GRIN2A: variants seen among roughly 807,000 people sequenced by gnomAD.
The protein encoded by GRIN2A is glutamate receptor ionotropic, NMDA 2A.
Under a neutral mutation model 113.4 loss-of-function variants are expected in GRIN2A, and 22 were observed. The ratio of observed to expected loss-of-function variants is 0.19; its 90% CI spans 0.14 to 0.28. The LOEUF (loss-of-function observed/expected upper bound fraction) is 0.28. Among genes scored for constraint, GRIN2A ranks in the 10% least tolerant of loss-of-function variants. The probability of loss-of-function intolerance (pLI) is 1.00; values close to 1 mark genes in which losing one functional copy is unlikely to be tolerated. For missense variants in GRIN2A, 1,502 were observed against 1,887.0 expected (o/e 0.80, Z 3.78); for synonymous variants, 827 against 738.4 (o/e 1.12, Z -1.94).
At chr16:10,108,847 A>G (rs760000217) in intron 2 of GRIN2A, among the ~76,000 whole-genome samples, 4 of 152,158 alleles carry the variant, frequency 2.6e-5, no homozygotes, top group South Asian at 2.1e-4. Flanking sequence ...AAATAATTAC[A>G]CATAGACCTG....
chr16:9,870,230 C>A (rs1179146734), intron 4 of GRIN2A, among the ~76,000 whole-genome samples: 2 of 152,204 alleles, frequency 1.3e-5, no homozygotes, highest in Non-Finnish European at 2.9e-5. Context: ...GTTTGAGGTT[C>A]TGCACGATTA....
At chr16:10,111,385 G>A (rs930233403) in intron 2 of GRIN2A, 5 of 479,078 alleles carry the variant, frequency 1.0e-5, no homozygotes, top group African/African-American at 9.9e-5. Flanking sequence ...CGGCAGCATG[G>A]CGAACCATCT....
At chr16:9,818,471 A>G (rs1436032977) in intron 10 of GRIN2A, among the ~76,000 whole-genome samples, 1 of 152,170 alleles carries the variant, frequency 6.6e-6, no homozygotes, top group Non-Finnish European at 1.5e-5. Context: ...ATTTCACTAC[A>G]AAAAAGATAA....
At chr16:9,857,191 G>A (rs547589612) in intron 4 of GRIN2A, among the ~76,000 whole-genome samples, 1 of 152,242 alleles carries the variant, frequency 6.6e-6, no homozygotes, top group African/African-American at 2.4e-5. Context: ...AGGAGCCTAA[G>A]GCAATATTAC....
At chr16:10,129,034 AC>A (rs1344397107) in intron 2 of GRIN2A, among the ~76,000 whole-genome samples, 3 of 151,920 alleles carry the variant, frequency 2.0e-5, no homozygotes, top group African/African-American at 7.2e-5. Flanking sequence ...TTTATTAAGC[AC>A]CTACTATGTG....
intron 2 of GRIN2A, among the ~76,000 whole-genome samples, chr16:9,991,525 A>AT (rs764290112): frequency 6.6e-6 from 1 of 152,182 alleles, no homozygotes; most frequent in Admixed American, 6.5e-5. Context: ...GTACCCATTA[A>AT]ATAACTTCTC....
At chr16:10,175,721 G>A (rs1279556141) in intron 2 of GRIN2A, among the ~76,000 whole-genome samples, 1 of 152,170 alleles carries the variant, frequency 6.6e-6, no homozygotes, top group Non-Finnish European at 1.5e-5. Flanking sequence ...CGAAACCCAA[G>A]TGATAACTGG....
chr16:10,123,397 T>C (rs2048869883), intron 2 of GRIN2A, among the ~76,000 whole-genome samples: 1 of 152,090 alleles, frequency 6.6e-6, no homozygotes, highest in South Asian at 2.1e-4. Context: ...TTGTTGAAAA[T>C]ACTAAATTCA....
In GRIN2A at chr16:9,820,981, G is replaced by T. The variant is rs568647190; in HGVS notation, c.2168+1283C>A. The stretch of plus-strand genomic sequence containing the variant: ...CTGAGATGCCAAAGACATTCCAAAG[G>T]CACAGACTGAAAGGACAGAATGCTC... On this transcript the variant is annotated intron_variant, in intron 10 of 12. Transcript: ENST00000330684. Among the ~76,000 whole-genome samples, 33 of 152,188 alleles carry T rather than the reference G, an allele frequency of 2.2e-4. No homozygotes were observed. The South Asian group carries it at 4.4e-3, about 20-fold the overall frequency.
In GRIN2A at chr16:9,762,393, C is replaced by T. The variant is rs998924754; in HGVS notation, c.*756G>A. On this transcript the variant is annotated 3_prime_UTR_variant, in exon 13 of 13. Coordinates refer to ENST00000330684, the MANE Select transcript of GRIN2A (RefSeq NM_001134407.3). The stretch of plus-strand genomic sequence containing the variant: ...TTTATGCAGCTCTGAACAAGACCAT[C>T]GAAGCCGAGGGTGAGAGAAACACAC... The T allele has an allele frequency of 2.1e-4, 48 of 226,230 alleles. No homozygotes were observed. The highest frequency in any genetic ancestry group is 1.6e-3 in the Admixed American group (28 of 17,528). The allele number at this position is 226,230 out of a possible 1,614,324, so 14.0% of individuals were successfully genotyped here.
At chr16:9,803,494 TAAGTA>T (rs2041906599) in intron 10 of GRIN2A, among the ~76,000 whole-genome samples, 1 of 151,884 alleles carries the variant, frequency 6.6e-6, no homozygotes, top group South Asian at 2.1e-4. Flanking sequence ...TGTTATTATA[TAAGTA>T]AAGTATGTGT....
intron 4 of GRIN2A, among the ~76,000 whole-genome samples, chr16:9,850,255 G>C (rs1166855763): frequency 2.6e-5 from 4 of 152,264 alleles, no homozygotes; most frequent in African/African-American, 4.8e-5. Flanking sequence ...TGTTCTGCCA[G>C]AGTTCAGGAC....
chr16:10,003,693 A>G (rs1280612134), intron 2 of GRIN2A, among the ~76,000 whole-genome samples: 1 of 152,234 alleles, frequency 6.6e-6, no homozygotes, highest in East Asian at 1.9e-4. Flanking sequence ...CAGTAATTAG[A>G]GGCAGAGCCA....
intron 2 of GRIN2A, among the ~76,000 whole-genome samples, chr16:10,175,585 G>A (rs61143050): frequency 0.036 from 5,515 of 152,226 alleles, 236 homozygotes; most frequent in African/African-American, 0.1. Flanking sequence ...ATATGTCTGC[G>A]GAGGAGAGAA....
At chr16:10,073,051 G>A (rs1395739657) in intron 2 of GRIN2A, among the ~76,000 whole-genome samples, 1 of 145,986 alleles carries the variant, frequency 6.8e-6, no homozygotes, top group Admixed American at 7.0e-5. Context: ...CTCCTCCCTA[G>A]TTCAAGAGAT....
intron 2 of GRIN2A, among the ~76,000 whole-genome samples, chr16:10,116,932 T>G (rs2048739001): frequency 2.6e-5 from 4 of 152,092 alleles, no homozygotes. Flanking sequence ...TGCCTGTGCT[T>G]GAGGTGAGAA....
intron 3 of GRIN2A, among the ~76,000 whole-genome samples, chr16:9,910,482 A>G (rs994573948): frequency 6.6e-6 from 1 of 151,496 alleles, no homozygotes; most frequent in Non-Finnish European, 1.5e-5. Context: ...AAGCAGTCAT[A>G]GCTGAGATAT....
At chr16:9,870,830 G>T (rs866852994) in intron 4 of GRIN2A, among the ~76,000 whole-genome samples, 1 of 151,926 alleles carries the variant, frequency 6.6e-6, no homozygotes, top group Non-Finnish European at 1.5e-5. Context: ...TAGAGACAGG[G>T]TTTCACTGTG....
intron 2 of GRIN2A, among the ~76,000 whole-genome samples, chr16:10,149,676 C>A (rs1314459650): frequency 1.3e-5 from 2 of 152,212 alleles, no homozygotes; most frequent in African/African-American, 4.8e-5. Context: ...AGTAACCATC[C>A]TGTCCTGTCT....
Sources: gnomAD v4.1 joint callset for allele counts (sites outside exome capture counted in the v4.1 genomes callset) on GRCh38, gnomAD v4.1.1 for gene constraint, MANE v1.5 for transcripts, NCBI Gene and HGNC (gene_info 2026-07-23, HGNC 2026-07-21) for gene names.